The following TSPAN1 variants were observed in gnomAD, a reference collection of about 807,000 sequenced individuals.
The protein encoded by TSPAN1 is tetraspanin 1.
Under a neutral mutation model 26.9 loss-of-function variants are expected in TSPAN1, and 23 were observed. The ratio of observed to expected loss-of-function variants is 0.85; its 90% CI spans 0.62 to 1.21. The LOEUF is 1.21. TSPAN1 is among the 50% of genes most tolerant of loss of function. The pLI, the probability that TSPAN1 is intolerant of heterozygous loss-of-function variation, is 0.00. For missense variants in TSPAN1, 283 were observed against 298.4 expected (o/e 0.95, Z 0.38); for synonymous variants, 115 against 114.8 (o/e 1.00, Z -0.01).
intron 3 of TSPAN1, among the ~76,000 whole-genome samples, chr1:46,183,172 A>G (rs1165280724): frequency 1.3e-5 from 2 of 152,170 alleles, no homozygotes; most frequent in African/African-American, 4.8e-5. Flanking sequence ...GGATTTGGAC[A>G]GGAGAGGCTC....
At chr1:46,196,079 T>C in the TSPAN1 span, 1 of 1,613,986 alleles carries the variant, frequency 6.2e-7, no homozygotes, top group African/African-American at 1.3e-5. This position sits in a 1 kb window ranked among gnomAD's most constrained non-coding sequence, Gnocchi z 4.4. Context: ...CTCCAGCACC[T>C]ACACAGTGGC....
Position 46,184,162 on chromosome 1 carries a change from T to C in TSPAN1, c.58-29T>C, listed in dbSNP as rs967179119. On this transcript the variant is annotated intron_variant, in intron 3 of 8. Transcript: ENST00000372003. Reference sequence around the variant, plus strand: ...TAGTAAGCTACTTGCCAGCACTGTTTAAGGCCTGCCTGACCTCTCTCTCCC... The same window carrying C: ...TAGTAAGCTACTTGCCAGCACTGTTCAAGGCCTGCCTGACCTCTCTCTCCC... 4 of 1,613,444 alleles carry C rather than the reference T, an allele frequency of 2.5e-6. No individual in the cohort carries two copies. In the African/African-American group the frequency reaches 5.3e-5, roughly 22 times the overall value.
the TSPAN1 span, chr1:46,194,917 C>T: frequency 1.9e-6 from 3 of 1,614,168 alleles, no homozygotes; most frequent in African/African-American, 1.3e-5. Context: ...CCAGGCTCCT[C>T]AGCAGAGCCT....
chr1:46,184,653 G>C lies in TSPAN1; in HGVS notation c.324G>C (p.Leu108Phe), dbSNP rs747442421. 2.7e-5 allele frequency: 43 copies of C among 1,614,034 alleles called. 1 individual carries two copies. The South Asian group carries it at 4.7e-4, about 18-fold the overall frequency. ...AGGTTGCAGCTGCTGTGGTCGCCTT[G>C]GTGTACACCACAATGGTGAGACACT... The part of the protein sequence containing the change: ...IAEVAAAVVA[L>F]VYTTMAEHFL... Residue 108 changes from leucine to phenylalanine, a missense_variant, in exon 5 of 9, where the codon TTG becomes TTC. By Grantham distance (22) the Leu-to-Phe change is conservative (BLOSUM62 0). Coordinates refer to ENST00000372003, the MANE Select transcript of TSPAN1 (RefSeq NM_005727.4).
At chr1:46,194,219 C>T in the TSPAN1 span, 1 of 1,613,936 alleles carries the variant, frequency 6.2e-7, no homozygotes, top group Non-Finnish European at 8.5e-7. Flanking sequence ...TTCCTGGGGC[C>T]CCCCTGCTGA....
downstream of TSPAN1, chr1:46,189,194 T>C: frequency 6.5e-7 from 1 of 1,545,854 alleles, no homozygotes; most frequent in Non-Finnish European, 8.7e-7. Flanking sequence ...ATCTACAAAA[T>C]CCTACAGGAT....
At chr1:46,195,884 G>T in the TSPAN1 span, 2 of 1,613,654 alleles carry the variant, frequency 1.2e-6, no homozygotes. Flanking sequence ...ATCCTCATGA[G>T]GTGAGTACGT....
the TSPAN1 span, chr1:46,196,158 G>A: frequency 7.5e-6 from 12 of 1,605,188 alleles, no homozygotes; most frequent in Middle Eastern, 8.4e-4. This position sits in a 1 kb window ranked among gnomAD's most constrained non-coding sequence, Gnocchi z 4.4. Flanking sequence ...TAAAACACCA[G>A]CTGCTTGAAA....
chr1:46,193,134 C>T, the TSPAN1 span: 34 of 1,613,136 alleles, frequency 2.1e-5, no homozygotes, highest in Non-Finnish European at 2.8e-5. Context: ...GCCCATGTTT[C>T]CCCCCTCCCA....
chr1:46,184,216 T>G lies in TSPAN1; in HGVS notation c.83T>G (p.Val28Gly). 1 of 1,614,190 alleles carries G rather than the reference T, an allele frequency of 6.2e-7. No individual in the cohort carries two copies. Among genetic ancestry groups the G allele is most frequent in the Non-Finnish European group, 8.5e-7 (1 of 1,180,032 alleles). The change falls in exon 4 of 9, where the codon GTG becomes GGG. Residue 28 changes from valine (V) to glycine (G), a missense_variant. Val to Gly is a moderately radical substitution (Grantham distance 109). Coordinates refer to ENST00000372003, the MANE Select transcript of TSPAN1 (RefSeq NM_005727.4). ...CTGTGTGGTGCAGCCCTGTTGGCAG[T>G]GGGCATCTGGGTGTCAATCGATGGG... The part of the protein sequence containing the change: ...IFLCGAALLA[V>G]GIWVSIDGAS...
rs777820508 is a variant in TSPAN1 at position 46,185,505 on chromosome 1, C to T, written c.698C>T (p.Ser233Phe). The T allele has an allele frequency of 6.2e-7, 1 of 1,614,208 alleles. No homozygotes were observed. Among genetic ancestry groups the T allele is most frequent in the South Asian group, 1.1e-5 (1 of 91,088 alleles). ...CTCCAGCTGGCTGCCATGATTGTGT[C>T]CATGTATCTGTACTGCAATCTACAA... ...GGLELAAMIV[S>F]MYLYCNLQ The change falls in exon 9 of 9, where the codon TCC becomes TTC. Residue 233 changes from serine (S) to phenylalanine (F), a missense_variant. Ser to Phe is a radical substitution (Grantham distance 155). Coordinates refer to ENST00000372003, the MANE Select transcript of TSPAN1 (RefSeq NM_005727.4).
In TSPAN1 at chr1:46,184,335, T is replaced by G. The variant is rs746942461; in HGVS notation, c.202T>G (p.Phe68Val). Residue 68 changes from phenylalanine to valine, a missense_variant, in exon 4 of 9, where the codon TTT becomes GTT. Transcript: ENST00000372003. ...CCTCATCGCAGCCGGCGTTGTGGTC[T>G]TTGCTCTTGGTTTCCTGGGCTGCTA... ...YFLIAAGVVV[F>V]ALGFLGCYGA... 1.2e-6 allele frequency: 2 copies of G among 1,614,182 alleles called. No individual in the cohort carries two copies. The highest frequency in any genetic ancestry group is 4.5e-5 in the East Asian group (2 of 44,884).
chr1:46,196,425 C>G, the TSPAN1 span, among the ~76,000 whole-genome samples: 1 of 152,224 alleles, frequency 6.6e-6, no homozygotes, highest in African/African-American at 2.4e-5. The surrounding 1 kb of genome is among the most constrained non-coding windows in gnomAD (Gnocchi z 4.4). Context: ...GTGCCCAGCA[C>G]AAGGCTGAGG....
chr1:46,195,227 C>G, the TSPAN1 span, among the ~76,000 whole-genome samples: 1 of 152,222 alleles, frequency 6.6e-6, no homozygotes, highest in Non-Finnish European at 1.5e-5. Context: ...TCCAACCACT[C>G]TCCTACTCTC....
chr1:46,176,435 G>A (rs773227211), intron 1 of TSPAN1: 2 of 1,535,744 alleles, frequency 1.3e-6, no homozygotes, highest in Non-Finnish European at 1.7e-6. Flanking sequence ...CGCATGCCCT[G>A]GGGCCGAGGG....
downstream of TSPAN1, chr1:46,189,782 G>A: frequency 6.2e-7 from 1 of 1,602,054 alleles, no homozygotes; most frequent in African/African-American, 1.3e-5. Flanking sequence ...CAGAGCAAAG[G>A]CTCCCTGGAT....
chr1:46,179,964 A>AGTGTGTGTGTGTGTGTGTGTGTGTGTGT (rs141816531), intron 1 of TSPAN1, among the ~76,000 whole-genome samples: 62 of 146,876 alleles, frequency 4.2e-4, no homozygotes, highest in African/African-American at 1.4e-3. Context: ...AGAAAGAGGG[A>AGTGTGTGTGTGTGTGTGTGTGTGTGTGT]GTGTGTGTGT....
chr1:46,175,763 G>A, intron 1 of TSPAN1: 1 of 404,150 alleles, frequency 2.5e-6, no homozygotes, highest in Non-Finnish European at 4.3e-6. Flanking sequence ...TCAGCACTTT[G>A]GGGTGCCTGC....
chr1:46,194,570 G>C, the TSPAN1 span: 1 of 1,614,148 alleles, frequency 6.2e-7, no homozygotes, highest in Non-Finnish European at 8.5e-7. Context: ...TGAGCTCAAT[G>C]GCACATCTGT....
Sources: gnomAD v4.1 joint callset for allele counts (sites outside exome capture counted in the v4.1 genomes callset) on GRCh38, gnomAD v4.1.1 for gene constraint, Gnocchi (gnomAD v3.1) non-coding constraint, MANE v1.5 for transcripts, NCBI Gene and HGNC (gene_info 2026-07-23, HGNC 2026-07-21) for gene names.